Variants in PTPA observed in about 807,000 individuals in gnomAD.
PTPA encodes the protein serine/threonine-protein phosphatase 2A activator.
In PTPA, 13 loss-of-function variants were observed where a neutral mutation model predicts 43.6. The ratio of observed to expected loss-of-function variants is 0.30; its 90% CI spans 0.19 to 0.47. PTPA has a LOEUF of 0.47. Ranked by LOEUF, PTPA falls within the 20% of genes least tolerant of loss-of-function variation. The pLI, the probability that PTPA is intolerant of heterozygous loss-of-function variation, is 0.99. For synonymous variants in PTPA, 172 were observed against 158.2 expected (o/e 1.09, Z -0.66); for missense variants, 329 against 411.9 (o/e 0.80, Z 1.74).
chr9:129,136,197 G>A (rs1442265983), intron 6 of PTPA, among the ~76,000 whole-genome samples: 1 of 152,084 alleles, frequency 6.6e-6, no homozygotes, highest in African/African-American at 2.4e-5. Context: ...TCGATCTCCT[G>A]ACCTTGTGAT....
intron 4 of PTPA, 89 bp from the exon 5 acceptor site, chr9:129,131,433 G>A: frequency 1.7e-6 from 2 of 1,150,650 alleles, no homozygotes; most frequent in Non-Finnish European, 2.6e-6. Flanking sequence ...AGGCAGTGTG[G>A]GCCCCCAGTC....
intron 7 of PTPA, among the ~76,000 whole-genome samples, chr9:129,137,016 A>G (rs1850415310): frequency 1.3e-5 from 2 of 152,210 alleles, no homozygotes; most frequent in African/African-American, 4.8e-5. Flanking sequence ...GTTAGGGAGC[A>G]GCCGCCAAGT....
At position 129,136,613 on chromosome 9, in the gene PTPA, G is replaced by A. The variant is rs1462399317; in HGVS notation, c.685+18G>A. 1.9e-6 allele frequency: 3 copies of A among 1,598,208 alleles called. No individual in the cohort carries two copies. Among genetic ancestry groups the A allele is most frequent in the Non-Finnish European group, 2.6e-6 (3 of 1,170,758 alleles). On this transcript the variant is annotated intron_variant, in intron 7 of 9. Transcript: ENST00000393370. ...GCTGATAGGTACTAGAGCGGGAGGTGCCTATCCCTCCACCCCCAACCAAGG... is the reference window on the plus strand; with the variant it reads ...GCTGATAGGTACTAGAGCGGGAGGTACCTATCCCTCCACCCCCAACCAAGG...
In PTPA at chr9:129,128,048, G is replaced by A. The variant is rs372811330; in HGVS notation, c.217-937G>A. 2.4e-4 allele frequency: 322 copies of A among 1,340,464 alleles called. No homozygotes were observed. The South Asian group carries it at 3.3e-3, about 14-fold the overall frequency. 83.0% of individuals were successfully genotyped at this position (1,340,464 alleles called of 1,614,324 possible). A position where few individuals can be genotyped will look rare whatever the true frequency, so the allele number is the denominator to read the frequency against. On this transcript the variant is annotated intron_variant, in intron 3 of 9. Transcript: ENST00000393370. Reference sequence around the variant, plus strand: ...TGAATGCATACCATTACCCCGCGCCGGGCACTGTGCACCTTCGGAGGTATT... The same window carrying A: ...TGAATGCATACCATTACCCCGCGCCAGGCACTGTGCACCTTCGGAGGTATT...
intron 2 of PTPA, among the ~76,000 whole-genome samples, 169 bp downstream of exon 2, chr9:129,120,779 C>G (rs1447986688): frequency 6.6e-6 from 1 of 152,152 alleles, no homozygotes; most frequent in African/African-American, 2.4e-5. Context: ...AGAGGCAGTA[C>G]TCAGAGATGC....
intron 1 of PTPA, among the ~76,000 whole-genome samples, chr9:129,118,350 C>T (rs1280087323): frequency 1.3e-5 from 2 of 151,818 alleles, no homozygotes; most frequent in Non-Finnish European, 2.9e-5. Flanking sequence ...CCACGCCCAG[C>T]CTATTTGGGT....
intron 8 of PTPA, among the ~76,000 whole-genome samples, chr9:129,140,689 C>T (rs914149754): frequency 6.6e-6 from 1 of 152,108 alleles, no homozygotes; most frequent in Non-Finnish European, 1.5e-5. Context: ...GCTCAGAGGG[C>T]CCTGTCCAGA....
At chr9:129,120,766 T>C (rs2131555472) in intron 2 of PTPA, 156 bp downstream of exon 2, 1 of 637,874 alleles carries the variant, frequency 1.6e-6, no homozygotes, top group East Asian at 2.8e-5. Flanking sequence ...GTCTCTTCCC[T>C]TCAGAGGCAG....
At chr9:129,128,217 A>C (rs1588505114) in intron 3 of PTPA, 2 of 417,778 alleles carry the variant, frequency 4.8e-6, no homozygotes, top group East Asian at 7.3e-5. Flanking sequence ...CACTATGAGA[A>C]GATAACACAG....
At chr9:129,114,086 T>C (rs544896656) in intron 1 of PTPA, among the ~76,000 whole-genome samples, 49 of 152,228 alleles carry the variant, frequency 3.2e-4, no homozygotes, top group African/African-American at 1.2e-3. Context: ...CAGGGTGCAG[T>C]GGTGCAATCT....
chr9:129,116,052 G>C (rs1229328837), intron 1 of PTPA, among the ~76,000 whole-genome samples: 1 of 150,538 alleles, frequency 6.6e-6, no homozygotes, highest in Non-Finnish European at 1.5e-5. Flanking sequence ...GACGAGTCTC[G>C]CTCTGTCGCC....
chr9:129,129,058 C>T lies in PTPA; in HGVS notation c.290C>T (p.Pro97Leu), dbSNP rs746038189. 2.5e-6 allele frequency: 4 copies of T among 1,612,560 alleles called. No homozygotes were observed. The highest frequency in any genetic ancestry group is 1.7e-5 in the Admixed American group (1 of 59,994). Residue 97 changes from proline to leucine, a missense_variant, in exon 4 of 10, where the codon CCC becomes CTC. Pro to Leu is a moderately conservative substitution (Grantham distance 98). Coordinates refer to ENST00000393370, the MANE Select transcript of PTPA (RefSeq NM_178000.3). Reference sequence around the variant, plus strand: ...GATGAGACTCCTCCAGTGGACCAGCCCTCTCGGTTTGGGAATAAGGCATAC... The same window carrying T: ...GATGAGACTCCTCCAGTGGACCAGCTCTCTCGGTTTGGGAATAAGGCATAC... ...WIDETPPVDQ[P>L]SRFGNKAYRT...
intron 3 of PTPA, among the ~76,000 whole-genome samples, chr9:129,128,715 A>C (rs1053783107): frequency 6.6e-6 from 1 of 152,216 alleles, no homozygotes; most frequent in Non-Finnish European, 1.5e-5. Context: ...CTATAGCAGC[A>C]GCCCATGGGT....
At chr9:129,113,241 G>A (rs1039181668) in intron 1 of PTPA, among the ~76,000 whole-genome samples, 7 of 151,646 alleles carry the variant, frequency 4.6e-5, no homozygotes, top group Admixed American at 1.3e-4. Context: ...CTACAGGTGC[G>A]CCACCATGCC....
intron 9 of PTPA, chr9:129,142,823 A>G (rs1850984319): frequency 3.3e-6 from 5 of 1,534,024 alleles, no homozygotes; most frequent in Non-Finnish European, 4.4e-6. Context: ...GACCTGCTGC[A>G]TGGGGAGTGG....
chr9:129,144,740 A>ATC (rs1851179721), intron 9 of PTPA, among the ~76,000 whole-genome samples: 1 of 143,044 alleles, frequency 7.0e-6, no homozygotes, highest in East Asian at 2.0e-4. Flanking sequence ...CTCTCTCAAA[A>ATC]AAAAAAAAAA....
At chr9:129,123,608 A>G (rs1192077990) in intron 3 of PTPA, among the ~76,000 whole-genome samples, 2 of 152,152 alleles carry the variant, frequency 1.3e-5, no homozygotes, top group Non-Finnish European at 1.5e-5. Context: ...CTGTGAATAG[A>G]TGGATATTTA....
At chr9:129,140,833 G>T (rs1373922571) in intron 8 of PTPA, among the ~76,000 whole-genome samples, 5 of 152,060 alleles carry the variant, frequency 3.3e-5, no homozygotes, top group South Asian at 2.1e-4. Context: ...GGGGTGGAGT[G>T]TGGTTGAGCA....
At chr9:129,112,814 G>T (rs760906591) in intron 1 of PTPA, among the ~76,000 whole-genome samples, 1 of 152,046 alleles carries the variant, frequency 6.6e-6, no homozygotes, top group Non-Finnish European at 1.5e-5. Flanking sequence ...GGTGACACAC[G>T]CCCGTAATCC....
Sources: gnomAD v4.1 joint callset for allele counts (sites outside exome capture counted in the v4.1 genomes callset) on GRCh38, gnomAD v4.1.1 for gene constraint, MANE v1.5 for transcripts, NCBI Gene and HGNC (gene_info 2026-07-23, HGNC 2026-07-21) for gene names.